BCL9L: variants seen among roughly 807,000 people sequenced by gnomAD.
BCL9L encodes the protein B-cell CLL/lymphoma 9-like protein.
In BCL9L, 19 loss-of-function variants were observed where a neutral mutation model predicts 99.4. The ratio of observed to expected loss-of-function variants is 0.19; its 90% CI spans 0.13 to 0.28. BCL9L has a LOEUF of 0.28. Ranked by LOEUF, BCL9L falls within the 10% of genes least tolerant of loss-of-function variation. BCL9L has a pLI of 1.00. For synonymous variants in BCL9L, 900 were observed against 854.8 expected (o/e 1.05, Z -0.92); for missense variants, 2,023 against 2,101.6 (o/e 0.96, Z 0.73).
In BCL9L at chr11:118,897,412, C is replaced by T. The variant is rs1402345246; in HGVS notation, c.*1003G>A. The stretch of plus-strand genomic sequence containing the variant: ...GCTAAGATGTAGCAGCAGCGGATGC[C>T]CGGGCATCCAAAGTGGAAAGCCAGG... On this transcript the variant is annotated 3_prime_UTR_variant, in exon 10 of 10. Coordinates refer to ENST00000683865, the MANE Select transcript of BCL9L (RefSeq NM_001378213.1). The T allele has an allele frequency of 1.5e-5, 3 of 198,328 alleles. No homozygotes were observed. The highest frequency in any genetic ancestry group is 3.2e-5 in the Non-Finnish European group (3 of 94,462). The allele number at this position is 198,328 out of a possible 1,614,324, so 12.3% of individuals were successfully genotyped here.
chr11:118,924,510 G>A (rs1284909105), intron 1 of BCL9L, among the ~76,000 whole-genome samples: 1 of 152,040 alleles, frequency 6.6e-6, no homozygotes, highest in African/African-American at 2.4e-5. Context: ...TTCTCAGAAG[G>A]AGAGAGCAGC....
intron 2 of BCL9L, among the ~76,000 whole-genome samples, chr11:118,917,895 C>CGT (rs1941012548): frequency 6.6e-6 from 1 of 152,114 alleles, no homozygotes. Flanking sequence ...ACCACGGGCT[C>CGT]GTGAGAGGCC....
rs1450455700 is a variant in BCL9L at position 118,901,344 on chromosome 11, A to G, written c.2399T>C (p.Met800Thr). 3 of 1,613,574 alleles carry G rather than the reference A, an allele frequency of 1.9e-6. No individual in the cohort carries two copies. Among genetic ancestry groups the G allele is most frequent in the Non-Finnish European group, 2.5e-6 (3 of 1,179,966 alleles). ...PQQQMLMSQK[M>T]RGPGDLMGPQ... ...CCCCATCAAGTCCCCAGGGCCCCGC[A>G]TCTTCTGCGACATCAGCATCTGCTG... is the stretch of plus-strand genomic sequence containing the variant. Residue 800 changes from methionine (M) to threonine (T), a missense_variant, in exon 8 of 10, where the codon ATG becomes ACG. This residue lies in a region of BCL9L where 1,116 missense variants were observed against 1,194.6 expected (regional missense o/e 0.93). Coordinates refer to ENST00000683865, the MANE Select transcript of BCL9L (RefSeq NM_001378213.1). This position sits in a 1 kb window ranked among gnomAD's most constrained non-coding sequence, Gnocchi z 6.6.
At position 118,914,384 on chromosome 11, in the gene BCL9L, GC is replaced by G. The variant is rs1194183203; in HGVS notation, c.-76-4370del. On this transcript the variant is annotated intron_variant, in intron 2 of 9. Transcript: ENST00000683865. This position sits in a 1 kb window ranked among gnomAD's most constrained non-coding sequence, Gnocchi z 4.4. ...CACGGTGGGACCTCACCCAGCGCCCGCCCGCCTGCCTGCCTGCTCTGCTCTC... is the reference window on the plus strand; with the variant it reads ...CACGGTGGGACCTCACCCAGCGCCCGCCGCCTGCCTGCCTGCTCTGCTCTC... 2.0e-5 allele frequency among the ~76,000 whole-genome samples: 3 copies of G among 152,166 alleles called. No individual in the cohort carries two copies. The highest frequency in any genetic ancestry group is 7.2e-5 in the African/African-American group (3 of 41,430).
chr11:118,910,285 A>G (rs1940723568), intron 2 of BCL9L: 2 of 294,582 alleles, frequency 6.8e-6, no homozygotes. Context: ...AAGGCTAGGT[A>G]GCAAAGGTGC....
rs1227792385 is a variant in BCL9L, at chr11:118,902,373, G to A, written c.1370C>T (p.Ala457Val). 1.3e-6 allele frequency: 2 copies of A among 1,540,180 alleles called. No individual in the cohort carries two copies. Among genetic ancestry groups the A allele is most frequent in the African/African-American group, 1.4e-5 (1 of 72,500 alleles). Residue 457 changes from alanine to valine, a missense_variant, in exon 8 of 10, where the codon GCC (alanine) becomes GTC (valine). Ala to Val is a moderately conservative substitution (Grantham distance 64). This residue lies in a region of BCL9L where 1,116 missense variants were observed against 1,194.6 expected (regional missense o/e 0.93). Coordinates refer to ENST00000683865, the MANE Select transcript of BCL9L (RefSeq NM_001378213.1). This position sits in a 1 kb window ranked among gnomAD's most constrained non-coding sequence, Gnocchi z 7.8. The part of the protein sequence containing the change: ...APPPPQQPPT[A>V]PPSGLKKYEE... ...ATATTTCTTCAGCCCGCTGGGAGGG[G>A]CCGTGGGTGGCTGCTGGGGGGGAGG...
At position 118,901,684 on chromosome 11, in the gene BCL9L, G is replaced by A. The variant is rs1436789050; in HGVS notation, c.2059C>T (p.Arg687Trp). The change falls in exon 8 of 10, where the codon CGG becomes TGG. Residue 687 changes from arginine to tryptophan, a missense_variant. By Grantham distance (101) the Arg-to-Trp change is moderately radical (BLOSUM62 -3). Transcript: ENST00000683865. The surrounding 1 kb of genome is among the most constrained non-coding windows in gnomAD (Gnocchi z 6.6). The part of the protein sequence containing the change: ...ELLRHQLLEK[R>W]SMGMQRPLGM... ...AGGGGGCGCTGCATGCCCATCGACC[G>A]CTTCTCCAGCAGCTGGTGCCGCAGC... The A allele has an allele frequency of 5.6e-6, 9 of 1,613,676 alleles. No homozygotes were observed. The highest frequency in any genetic ancestry group is 2.2e-5 in the East Asian group (1 of 44,884).
At chr11:118,907,350 G>A in intron 5 of BCL9L, 133 bp downstream of exon 5, 2 of 1,454,182 alleles carry the variant, frequency 1.4e-6, no homozygotes, top group South Asian at 2.5e-5. Flanking sequence ...GGGAGGGACA[G>A]AGTCTGAGAG....
In BCL9L at chr11:118,899,333, T is replaced by C. The variant is rs1373478919; in HGVS notation, c.3582A>G (p.Thr1194=). 4 of 1,524,820 alleles carry C rather than the reference T, an allele frequency of 2.6e-6. No individual in the cohort carries two copies. The highest frequency in any genetic ancestry group is 3.5e-6 in the Non-Finnish European group (4 of 1,133,522). 94.5% of individuals were successfully genotyped at this position (1,524,820 alleles called of 1,614,324 possible). ...NIPLHPNAQG[T]GGPPQNSMMM... is the part of the protein sequence containing the mutation. The stretch of plus-strand genomic sequence containing the variant: ...TCATGGAGTTTTGAGGGGGCCCCCC[T>C]GTCCCCTGTGCGTTGGGATGCAGTG... The change falls in exon 10 of 10, where the codon ACA becomes ACG. Residue 1194 remains threonine (T), a synonymous_variant. Transcript: ENST00000683865.
chr11:118,911,695 G>C (rs912544085), intron 2 of BCL9L, among the ~76,000 whole-genome samples: 3 of 152,254 alleles, frequency 2.0e-5, no homozygotes, highest in Non-Finnish European at 2.9e-5. Context: ...GCGTGACCTT[G>C]AGTCACATAT....
chr11:118,909,787 G>T (rs1284483727), intron 3 of BCL9L, 127 bp downstream of exon 3: 1 of 1,480,288 alleles, frequency 6.8e-7, no homozygotes, highest in Non-Finnish European at 9.3e-7. Flanking sequence ...GCCCACTGGT[G>T]GCCTGGGAGC....
chr11:118,923,185 G>C (rs1394004313), intron 1 of BCL9L, among the ~76,000 whole-genome samples: 1 of 152,248 alleles, frequency 6.6e-6, no homozygotes, highest in East Asian at 1.9e-4. Flanking sequence ...GCTCCATGGA[G>C]CTCCATCGCA....
rs764315126 is a variant in BCL9L at position 118,902,424 on chromosome 11, T to C, written c.1319A>G (p.Glu440Gly). 2 of 1,585,144 alleles carry C rather than the reference T, an allele frequency of 1.3e-6. No homozygotes were observed. The highest frequency in any genetic ancestry group is 2.7e-5 in the African/African-American group (2 of 74,006). The change falls in exon 8 of 10, where the codon GAG (glutamate) becomes GGG (glycine). Residue 440 changes from glutamate (E) to glycine (G), a missense_variant. This residue lies in a region of BCL9L where 1,116 missense variants were observed against 1,194.6 expected (regional missense o/e 0.93). Coordinates refer to ENST00000683865, the MANE Select transcript of BCL9L (RefSeq NM_001378213.1). The surrounding 1 kb of genome is among the most constrained non-coding windows in gnomAD (Gnocchi z 7.8). The part of the protein sequence containing the change: ...FLKGPPGGAG[E>G]GGPPAQAPPP... The stretch of plus-strand genomic sequence containing the variant: ...GGGGGCTTGTGCTGGTGGGCCCCCC[T>C]CACCCGCTCCTCCTGGGGGCCCCTT...
At chr11:118,915,893 G>A (rs1020920467) in intron 2 of BCL9L, among the ~76,000 whole-genome samples, 1 of 152,198 alleles carries the variant, frequency 6.6e-6, no homozygotes, top group Non-Finnish European at 1.5e-5. Flanking sequence ...TATCTCTCAG[G>A]GTGGCCCCAG....
At position 118,898,660 on chromosome 11, in the gene BCL9L, C is replaced by T; in HGVS notation, c.4255G>A (p.Gly1419Arg). ...AGGCCTTGTGGAGGGGACATGACCC[C>T]CTGGTGCAGGCCATGGGGCACCATC... ...QGMVPHGLHQGVMSPPQGLMT... is the reference protein window; with the variant it reads ...QGMVPHGLHQRVMSPPQGLMT... The change falls in exon 10 of 10, where the codon GGG becomes AGG. Residue 1419 changes from glycine to arginine, a missense_variant. Physicochemically the swap from Gly to Arg is moderately radical, Grantham distance 125. This residue lies in a region of BCL9L where 902 missense variants were observed against 888.2 expected (regional missense o/e 1.02). Coordinates refer to ENST00000683865, the MANE Select transcript of BCL9L (RefSeq NM_001378213.1). 1.9e-6 allele frequency: 3 copies of T among 1,611,638 alleles called. No individual in the cohort carries two copies. The highest frequency in any genetic ancestry group is 3.3e-4 in the Middle Eastern group (2 of 6,036).
chr11:118,898,857 T>C lies in BCL9L; in HGVS notation c.4058A>G (p.Gln1353Arg). ...GTTCATGAGATGCAGATTAGGGGGCTGAGCCTTGGGGGGCTGGTTCTCGCT... is the reference window on the plus strand; with the variant it reads ...GTTCATGAGATGCAGATTAGGGGGCCGAGCCTTGGGGGGCTGGTTCTCGCT... ...PKSENQPPKA[Q>R]PPNLHLMNLQ... The change falls in exon 10 of 10, where the codon CAG becomes CGG. Residue 1353 changes from glutamine to arginine, a missense_variant. Gln to Arg is a conservative substitution (Grantham distance 43, BLOSUM62 1). Coordinates refer to ENST00000683865, the MANE Select transcript of BCL9L (RefSeq NM_001378213.1). 6.2e-7 allele frequency: 1 copy of C among 1,614,078 alleles called. No homozygotes were observed. Among genetic ancestry groups the C allele is most frequent in the Non-Finnish European group, 8.5e-7 (1 of 1,179,998 alleles).
At chr11:118,923,127 G>A (rs1309407118) in intron 1 of BCL9L, among the ~76,000 whole-genome samples, 5 of 152,056 alleles carry the variant, frequency 3.3e-5, no homozygotes, top group African/African-American at 7.2e-5. Context: ...CTCCTGCCCC[G>A]GCAGCTGCTG....
chr11:118,922,512 G>A lies in BCL9L; in HGVS notation c.-131+2726C>T, dbSNP rs1380622593. On this transcript the variant is annotated intron_variant, in intron 1 of 9. Coordinates refer to ENST00000683865, the MANE Select transcript of BCL9L (RefSeq NM_001378213.1). This position sits in a 1 kb window ranked among gnomAD's most constrained non-coding sequence, Gnocchi z 6.2. ...GGCAGCTGTCGGGGCTGGCAGGCAG[G>A]GGCACACATGCGGAGCTAGAGCAGC... Among the ~76,000 whole-genome samples, 1 of 152,158 alleles carries A rather than the reference G, an allele frequency of 6.6e-6. No homozygotes were observed. The highest frequency in any genetic ancestry group is 1.5e-5 in the Non-Finnish European group (1 of 67,994).
intron 1 of BCL9L, among the ~76,000 whole-genome samples, chr11:118,919,114 C>CTG (rs1941068095): frequency 9.3e-5 from 2 of 21,566 alleles, no homozygotes; most frequent in African/African-American, 2.4e-4. Context: ...GCCCCCCCCC[C>CTG]CCCGACCCCC....
Sources: gnomAD v4.1 joint callset for allele counts (sites outside exome capture counted in the v4.1 genomes callset) on GRCh38, gnomAD v4.1.1 for gene constraint, gnomAD v4.1.1 regional missense constraint, Gnocchi (gnomAD v3.1) non-coding constraint, MANE v1.5 for transcripts, NCBI Gene and HGNC (gene_info 2026-07-23, HGNC 2026-07-21) for gene names.